Variants in PI4K2A observed in about 807,000 individuals in gnomAD.
PI4K2A encodes phosphatidylinositol 4-kinase type 2 alpha.
Under a neutral mutation model 55.0 loss-of-function variants are expected in PI4K2A, and 20 were observed. The observed-to-expected ratio is 0.36, with a 90% CI of 0.26 to 0.53. The LOEUF is 0.53. PI4K2A is among the 20% of genes least tolerant of loss of function. The pLI is 0.91. For missense variants in PI4K2A, 463 were observed against 637.1 expected, an observed-to-expected ratio of 0.73 and a Z score of 2.94; for synonymous variants, 235 against 258.5, an observed-to-expected ratio of 0.91 and a Z score of 0.87.
At chr10:97,667,203 G>T in intron 8 of PI4K2A, 83 bp downstream of exon 8, 5 of 982,528 alleles carry the variant, frequency 5.1e-6, no homozygotes, top group Non-Finnish European at 6.4e-6. Context: ...TGAAGTTTGT[G>T]TTTTATACCC....
intron 4 of PI4K2A, among the ~76,000 whole-genome samples, chr10:97,662,062 C>A (rs901298837): frequency 4.6e-5 from 7 of 151,908 alleles, no homozygotes; most frequent in African/African-American, 1.7e-4. Flanking sequence ...GCTATTTTGC[C>A]CAGGCTGGTC....
exon 9 of PI4K2A, chr10:97,675,011 C>G (rs1407664597): frequency 6.5e-6 from 1 of 153,410 alleles, no homozygotes; most frequent in Non-Finnish European, 1.5e-5. Context: ...CCCACCCCCA[C>G]TTGCCAGGTG....
At chr10:97,665,837 C>T (rs771178206) in intron 6 of PI4K2A, among the ~76,000 whole-genome samples, 5 of 147,294 alleles carry the variant, frequency 3.4e-5, no homozygotes, top group Admixed American at 2.0e-4. Flanking sequence ...GTGATCCACC[C>T]GCCTTGGCCT....
intron 1 of PI4K2A, among the ~76,000 whole-genome samples, chr10:97,644,213 C>T (rs1308393863): frequency 6.6e-6 from 1 of 152,136 alleles, no homozygotes; most frequent in Non-Finnish European, 1.5e-5. Context: ...TAGCCGAGCA[C>T]TGTGGCAGGC....
intron 6 of PI4K2A, among the ~76,000 whole-genome samples, 169 bp from the exon 7 acceptor site, chr10:97,666,269 A>G (rs193036364): frequency 1.3e-5 from 2 of 152,308 alleles, no homozygotes; most frequent in East Asian, 3.9e-4. Flanking sequence ...TGGTTCCTCT[A>G]CTGACTAGCT....
chr10:97,668,709 A>T (rs78093561), intron 8 of PI4K2A, among the ~76,000 whole-genome samples: 26,498 of 152,148 alleles, frequency 0.17, 2,503 homozygotes, highest in South Asian at 0.34. Flanking sequence ...TGATTTTTGT[A>T]TACAGAAAAT....
At chr10:97,672,731 T>TTTTTTTG (rs2041642465) in intron 8 of PI4K2A, among the ~76,000 whole-genome samples, 2 of 135,028 alleles carry the variant, frequency 1.5e-5, no homozygotes, top group Non-Finnish European at 3.1e-5. Context: ...TGTTCTTTTT[T>TTTTTTTG]TTTTTTTTTT....
chr10:97,657,719 C>T (rs73334566), intron 4 of PI4K2A, among the ~76,000 whole-genome samples: 5,468 of 151,218 alleles, frequency 0.036, 354 homozygotes, highest in African/African-American at 0.12. Flanking sequence ...ATATTTTGTC[C>T]GATATTTTAA....
chr10:97,666,408 A>T (rs184626490), intron 6 of PI4K2A, 30 bp from the exon 7 acceptor site: 1 of 1,605,102 alleles, frequency 6.2e-7, no homozygotes, highest in East Asian at 2.2e-5. Flanking sequence ...TTCCAACACC[A>T]GCTTTGCCTT....
At position 97,667,052 on chromosome 10, in the gene PI4K2A, C is replaced by G. The variant is rs1006382012; in HGVS notation, c.1219-9C>G. 3.7e-6 allele frequency: 6 copies of G among 1,612,204 alleles called. No homozygotes were observed. In the African/African-American group the frequency reaches 8.0e-5, roughly 22 times the overall value. ...ACAGGTTCCATCTCCTTCTGGTCTT[C>G]TTTTGCAGAAAGATCCTGGTTTCGA... On this transcript the variant is annotated splice_polypyrimidine_tract_variant and intron_variant, in intron 7 of 8. Transcript: ENST00000370631.
Position 97,640,689 on chromosome 10 carries a change from C to T in PI4K2A, c.-54C>T, listed in dbSNP as rs1323024453. 3.1e-6 allele frequency: 4 copies of T among 1,301,016 alleles called. No homozygotes were observed. In the African/African-American group the frequency reaches 4.6e-5, roughly 15 times the overall value. 80.6% of individuals were successfully genotyped at this position (1,301,016 alleles called of 1,614,324 possible). ...GGGGGATGTCACGGATTGGTCGCGGCCGCGAGCGCAGTGGTGTGGAGCGCG... is the reference window on the plus strand; with the variant it reads ...GGGGGATGTCACGGATTGGTCGCGGTCGCGAGCGCAGTGGTGTGGAGCGCG... On this transcript the variant is annotated 5_prime_UTR_variant, in exon 1 of 9. Coordinates refer to ENST00000370631, the Ensembl canonical transcript of PI4K2A.
At position 97,640,808 on chromosome 10, in the gene PI4K2A, G is replaced by A; in HGVS notation, c.66G>A (p.Ser22=). Residue 22 remains serine, a synonymous_variant, in exon 1 of 9, where the codon TCG becomes TCA. Coordinates refer to ENST00000370631, the Ensembl canonical transcript of PI4K2A. ...AACCCCCGGACTACACCTTCCCGTC[G>A]GGCTCGGGCGCTCACTTTCCGCAGG... 2.0e-6 allele frequency: 3 copies of A among 1,473,902 alleles called. No individual in the cohort carries two copies. In the Admixed American group the frequency reaches 7.1e-5, roughly 35 times the overall value. The allele number at this position is 1,473,902 out of a possible 1,614,324, so 91.3% of individuals were successfully genotyped here.
chr10:97,661,326 A>AT (rs1231375447), intron 4 of PI4K2A, among the ~76,000 whole-genome samples: 2 of 151,230 alleles, frequency 1.3e-5, no homozygotes, highest in Non-Finnish European at 2.9e-5. Context: ...CTGAGACATC[A>AT]TTTTATAGCA....
At chr10:97,662,853 A>C (rs1468374459) in intron 4 of PI4K2A, 54 bp from the exon 5 acceptor site, 33 of 1,201,866 alleles carry the variant, frequency 2.7e-5, no homozygotes, top group Non-Finnish European at 4.0e-5. Flanking sequence ...CCACCATTAC[A>C]AAAATGGAAA....
chr10:97,666,992 CTG>C (rs2041612635), intron 7 of PI4K2A, 67 bp from the exon 8 acceptor site: 6 of 1,235,904 alleles, frequency 4.9e-6, no homozygotes, highest in Non-Finnish European at 7.1e-6. Context: ...AAGTTTCTAA[CTG>C]GGGGAGAAAA....
intron 8 of PI4K2A, among the ~76,000 whole-genome samples, chr10:97,668,229 C>G (rs935136021): frequency 6.6e-6 from 1 of 152,126 alleles, no homozygotes; most frequent in South Asian, 2.1e-4. Context: ...AGATTTTGGG[C>G]AAGTTACTTA....
intron 1 of PI4K2A, 21 bp downstream of exon 1, chr10:97,641,198 C>T (rs1308944662): frequency 2.5e-6 from 4 of 1,574,958 alleles, no homozygotes; most frequent in South Asian, 2.3e-5. Context: ...GGGTGGGGAC[C>T]GCCGCCGCGG....
At chr10:97,664,911 G>T in exon 6 of PI4K2A, 1 of 1,613,938 alleles carries the variant, frequency 6.2e-7, no homozygotes, top group Non-Finnish European at 8.5e-7. Context: ...TGGTGAAGGA[G>T]CCTGTTATCA....
chr10:97,672,426 T>C (rs768221656), intron 8 of PI4K2A, among the ~76,000 whole-genome samples: 74 of 152,286 alleles, frequency 4.9e-4, no homozygotes, highest in African/African-American at 1.7e-3. Flanking sequence ...GATAGAAAGA[T>C]AGAATTTAGA....
Sources: allele counts gnomAD v4.1 joint callset (sites outside exome capture counted in the v4.1 genomes callset), GRCh38; gene constraint gnomAD v4.1.1; transcripts MANE v1.5; gene names NCBI Gene and HGNC (gene_info 2026-07-23, HGNC 2026-07-21).